Variants in PARD3B observed in about 807,000 individuals in gnomAD.
PARD3B encodes par-3 family cell polarity regulator beta.
Under a neutral mutation model 130.2 loss-of-function variants are expected in PARD3B, and 103 were observed. The observed-to-expected ratio is 0.79, with a 90% CI of 0.67 to 0.93. The LOEUF is 0.93. Among genes scored for constraint, PARD3B ranks in the 40% least tolerant of loss-of-function variants. The probability of loss-of-function intolerance (pLI) is 0.00; values close to 1 mark genes in which losing one functional copy is unlikely to be tolerated. For synonymous variants in PARD3B, 583 were observed against 553.2 expected, an observed-to-expected ratio of 1.05 and a Z score of -0.76; for missense variants, 1,609 against 1,499.2, an observed-to-expected ratio of 1.07 and a Z score of -1.21.
chr2:204,760,635 T>G (rs1178182680), intron 2 of PARD3B, among the ~76,000 whole-genome samples: 1 of 152,122 alleles, frequency 6.6e-6, no homozygotes, highest in East Asian at 1.9e-4. Context: ...ATTATTAAAC[T>G]TATCTCTCTT....
At chr2:204,777,822 T>C (rs114679865) in intron 2 of PARD3B, among the ~76,000 whole-genome samples, 1,890 of 152,226 alleles carry the variant, frequency 0.012, 47 homozygotes, top group African/African-American at 0.043. Context: ...AATCCTCATA[T>C]GTCGAGGGAG....
chr2:204,856,589 T>C (rs1337334779), intron 2 of PARD3B, among the ~76,000 whole-genome samples: 1 of 152,196 alleles, frequency 6.6e-6, no homozygotes, highest in Non-Finnish European at 1.5e-5. Flanking sequence ...GCCTGTGCTT[T>C]TGGAATGCTA....
Position 205,057,698 on chromosome 2 carries a change from T to C in PARD3B, c.504+10008T>C, listed in dbSNP as rs1394666767. ...GTGTATGTGTATACGTACATATACATATATGTGTATGTGTATACGTATATA... is the reference window on the plus strand; with the variant it reads ...GTGTATGTGTATACGTACATATACACATATGTGTATGTGTATACGTATATA... On this transcript the variant is annotated intron_variant, in intron 4 of 22. Coordinates refer to ENST00000406610, the MANE Select transcript of PARD3B (RefSeq NM_001302769.2). 8.7e-5 allele frequency among the ~76,000 whole-genome samples: 13 copies of C among 150,060 alleles called. 1 individual carries two copies. The highest frequency in any genetic ancestry group is 1.5e-4 in the African/African-American group (6 of 41,020).
intron 16 of PARD3B, among the ~76,000 whole-genome samples, chr2:205,298,313 C>A (rs1022963622): frequency 3.3e-5 from 5 of 152,098 alleles, no homozygotes; most frequent in Non-Finnish European, 5.9e-5. Flanking sequence ...TTCTATACAC[C>A]CAAACCTCTG....
intron 2 of PARD3B, among the ~76,000 whole-genome samples, chr2:204,823,869 G>A (rs1487012030): frequency 6.6e-6 from 1 of 150,864 alleles, no homozygotes; most frequent in Non-Finnish European, 1.5e-5. Flanking sequence ...GAGTCCAGGA[G>A]GCAGAGGTTG....
intron 21 of PARD3B, among the ~76,000 whole-genome samples, chr2:205,527,232 C>A (rs977320909): frequency 3.9e-5 from 6 of 152,128 alleles, no homozygotes; most frequent in Non-Finnish European, 8.8e-5. Flanking sequence ...AACACAAACA[C>A]AGACACATAC....
intron 2 of PARD3B, among the ~76,000 whole-genome samples, chr2:204,934,274 A>C (rs1388076608): frequency 6.6e-6 from 1 of 152,226 alleles, no homozygotes; most frequent in African/African-American, 2.4e-5. Context: ...TGAGTGTTTA[A>C]AAATATGTTT....
chr2:204,732,822 A>G (rs2039575199), intron 2 of PARD3B, among the ~76,000 whole-genome samples: 1 of 152,222 alleles, frequency 6.6e-6, no homozygotes, highest in African/African-American at 2.4e-5. Flanking sequence ...TTGTGAGGGT[A>G]GAATTTTGGA....
intron 2 of PARD3B, among the ~76,000 whole-genome samples, chr2:204,817,367 C>G (rs1316303307): frequency 6.6e-6 from 1 of 151,614 alleles, no homozygotes; most frequent in Non-Finnish European, 1.5e-5. Context: ...TTATTAGAAA[C>G]AGTTTAATCC....
rs375972756 is a variant in PARD3B at position 205,484,409 on chromosome 2, G to A, written c.3045-15487G>A. On this transcript the variant is annotated intron_variant, in intron 20 of 22. Coordinates refer to ENST00000406610, the MANE Select transcript of PARD3B (RefSeq NM_001302769.2). The stretch of plus-strand genomic sequence containing the variant: ...TTTGGCCTTTTTTCTTCTCATTAGT[G>A]TCTTTACCAAACAAGGGGCTGGGCA... Among the ~76,000 whole-genome samples, 7 of 152,174 alleles carry A rather than the reference G, an allele frequency of 4.6e-5. No individual in the cohort carries two copies. In the East Asian group the frequency reaches 1.2e-3, roughly 25 times the overall value.
At chr2:204,681,679 G>T (rs955388529) in intron 1 of PARD3B, among the ~76,000 whole-genome samples, 4 of 152,066 alleles carry the variant, frequency 2.6e-5, no homozygotes, top group Non-Finnish European at 4.4e-5. Flanking sequence ...GCACTGCTCT[G>T]TGGCTGGCTA....
rs1559617801 is a variant in PARD3B at position 205,280,940 on chromosome 2, GTT to G, written c.2186-19588_2186-19587del. 6.6e-6 allele frequency among the ~76,000 whole-genome samples: 1 copy of G among 152,170 alleles called. No individual in the cohort carries two copies. Among genetic ancestry groups the G allele is most frequent in the Non-Finnish European group, 1.5e-5 (1 of 68,026 alleles). ...TTGATTCCTTTTATTACTAGCAGCC[GTT>G]TAACCTGACCTCTTCCAGATCCAGT... On this transcript the variant is annotated intron_variant, in intron 16 of 22. Transcript: ENST00000406610. This position sits in a 1 kb window ranked among gnomAD's most constrained non-coding sequence, Gnocchi z 4.7.
chr2:205,205,285 A>T (rs572089035), intron 15 of PARD3B, among the ~76,000 whole-genome samples: 2 of 152,146 alleles, frequency 1.3e-5, no homozygotes, highest in Non-Finnish European at 2.9e-5. Context: ...TGATTTTTGC[A>T]CATTGATTTT....
At chr2:204,894,527 G>A (rs985333501) in intron 2 of PARD3B, among the ~76,000 whole-genome samples, 3 of 151,248 alleles carry the variant, frequency 2.0e-5, no homozygotes, top group African/African-American at 7.3e-5. Flanking sequence ...TATATTAAAT[G>A]CTCCTTAAAA....
At chr2:205,012,842 A>G (rs986988358) in intron 3 of PARD3B, among the ~76,000 whole-genome samples, 27 of 152,342 alleles carry the variant, frequency 1.8e-4, no homozygotes, top group Admixed American at 1.1e-3. Context: ...TGAAACCACT[A>G]AAGTCCTTCT....
At chr2:204,617,665 G>GT (rs2034159699) in intron 1 of PARD3B, among the ~76,000 whole-genome samples, 3 of 152,094 alleles carry the variant, frequency 2.0e-5, no homozygotes, top group Admixed American at 6.6e-5. Flanking sequence ...TGTCACCCAA[G>GT]TAACCAGTGT....
chr2:204,986,751 G>A (rs181264678), intron 3 of PARD3B, among the ~76,000 whole-genome samples: 31 of 152,082 alleles, frequency 2.0e-4, no homozygotes, highest in African/African-American at 7.2e-4. Flanking sequence ...TGACCTTTTC[G>A]ATGGGTAATT....
At chr2:204,924,199 G>A (rs960500364) in intron 2 of PARD3B, among the ~76,000 whole-genome samples, 25 of 151,784 alleles carry the variant, frequency 1.6e-4, no homozygotes, top group Admixed American at 1.6e-3. Flanking sequence ...TAATCTGCAG[G>A]GAATTTTCAA....
At chr2:205,238,862 A>ATATATATGTATGTGTG in intron 15 of PARD3B, among the ~76,000 whole-genome samples, 3 of 98,804 alleles carry the variant, frequency 3.0e-5, no homozygotes, top group African/African-American at 1.2e-4. Flanking sequence ...ATATATATAT[A>ATATATATGTATGTGTG]TATATATATA....
Sources: gnomAD v4.1 joint callset for allele counts (sites outside exome capture counted in the v4.1 genomes callset) on GRCh38, gnomAD v4.1.1 for gene constraint, Gnocchi (gnomAD v3.1) non-coding constraint, MANE v1.5 for transcripts, NCBI Gene and HGNC (gene_info 2026-07-23, HGNC 2026-07-21) for gene names.